Variants in ZNF670 observed in about 807,000 individuals in gnomAD.
The protein encoded by ZNF670 is zinc finger protein 670.
A neutral mutation model predicts 10.9 loss-of-function variants in ZNF670; 7 were observed. The ratio of observed to expected loss-of-function variants is 0.64; its 90% CI spans 0.36 to 1.20. The LOEUF (loss-of-function observed/expected upper bound fraction) is 1.20, where lower values mean the gene tolerates loss of function less well. Among genes scored for constraint, ZNF670 ranks in the 50% most tolerant of loss-of-function variants. The pLI, the probability that ZNF670 is intolerant of heterozygous loss-of-function variation, is 0.02. For synonymous variants in ZNF670, 136 were observed against 152.7 expected (o/e 0.89, Z 0.81); for missense variants, 446 against 458.6 (o/e 0.97, Z 0.25).
intron 1 of ZNF670, chr1:247,043,730 CT>C: frequency 2.3e-6 from 1 of 431,736 alleles, no homozygotes; most frequent in Non-Finnish European, 4.5e-6. Context: ...CCGCAGAGCC[CT>C]TTTAGCGTTC....
At chr1:247,042,250 A>G (rs1181823857) in intron 1 of ZNF670, among the ~76,000 whole-genome samples, 1 of 152,258 alleles carries the variant, frequency 6.6e-6, no homozygotes, top group African/African-American at 2.4e-5. Flanking sequence ...CTAGTTGCTC[A>G]GCAAGCAGCT....
rs1221397111 is a variant in ZNF670 at position 247,036,780 on chromosome 1, T to C, written c.*669A>G. 1.3e-5 allele frequency: 2 copies of C among 151,882 alleles called. No homozygotes were observed. The highest frequency in any genetic ancestry group is 1.5e-5 in the Non-Finnish European group (1 of 67,990). The allele number at this position is 151,882 out of a possible 1,614,324, so 9.4% of individuals were successfully genotyped here. ...TACATGAGACTATATAAACTTCACATACATGCAAATTAATAACAATTCTTT... is the reference window on the plus strand; with the variant it reads ...TACATGAGACTATATAAACTTCACACACATGCAAATTAATAACAATTCTTT... On this transcript the variant is annotated 3_prime_UTR_variant, in exon 4 of 4. Coordinates refer to ENST00000366503, the MANE Select transcript of ZNF670 (RefSeq NM_033213.5).
chr1:247,044,735 T>C (rs922083271), intron 1 of ZNF670, among the ~76,000 whole-genome samples: 2 of 152,190 alleles, frequency 1.3e-5, no homozygotes, highest in Non-Finnish European at 2.9e-5. Context: ...TTCTCATTTA[T>C]AAATGGAAGC....
At chr1:247,054,133 C>T (rs540840075) in intron 1 of ZNF670, among the ~76,000 whole-genome samples, 1 of 152,326 alleles carries the variant, frequency 6.6e-6, no homozygotes, top group East Asian at 1.9e-4. Context: ...ACCGTCCTAA[C>T]CAGAGGGGAC....
In ZNF670 at chr1:247,059,727, G is replaced by T. The variant is rs575846063; in HGVS notation, c.3+18867C>A. On this transcript the variant is annotated intron_variant, in intron 1 of 3. Coordinates refer to ENST00000366503, the MANE Select transcript of ZNF670 (RefSeq NM_033213.5). ...AAAACTGCCTTTCTGCAGATTAATA[G>T]TTATTTGTCGATAACATGACTGTCT... Among the ~76,000 whole-genome samples the T allele has an allele frequency of 2.0e-5, 3 of 152,134 alleles. No individual in the cohort carries two copies. In the East Asian group the frequency reaches 5.8e-4, roughly 29 times the overall value.
At chr1:247,052,738 GGT>G (rs1442215382) in intron 1 of ZNF670, among the ~76,000 whole-genome samples, 1 of 152,186 alleles carries the variant, frequency 6.6e-6, no homozygotes, top group Non-Finnish European at 1.5e-5. Context: ...GCAGCCAGGA[GGT>G]GGCACTTTCA....
At chr1:247,072,839 T>TAC (rs1491560605) in intron 1 of ZNF670, among the ~76,000 whole-genome samples, 13 of 68,546 alleles carry the variant, frequency 1.9e-4, no homozygotes, top group African/African-American at 9.7e-4. Flanking sequence ...TATATATATA[T>TAC]GCATACACAC....
At position 247,035,626 on chromosome 1, in the gene ZNF670, C is replaced by T. The variant is rs1670131592; in HGVS notation, c.*1823G>A. On this transcript the variant is annotated 3_prime_UTR_variant, in exon 4 of 4. Transcript: ENST00000366503. The stretch of plus-strand genomic sequence containing the variant: ...GTTATGCATAATTCATAGTAACTTA[C>T]AAAACTGTACTATACCACATATTAT... 6.6e-6 allele frequency among the ~76,000 whole-genome samples: 1 copy of T among 152,066 alleles called. No homozygotes were observed. The highest frequency in any genetic ancestry group is 1.5e-5 in the Non-Finnish European group (1 of 68,026).
At chr1:247,039,587 C>G (rs201019686) in intron 1 of ZNF670, 50 bp from the exon 2 acceptor site, 2 of 1,488,974 alleles carry the variant, frequency 1.3e-6, no homozygotes, top group South Asian at 1.4e-5. Flanking sequence ...ACAGACAGTA[C>G]TAAGAATCTA....
chr1:247,065,644 T>C (rs775231600), intron 1 of ZNF670, among the ~76,000 whole-genome samples: 1 of 151,998 alleles, frequency 6.6e-6, no homozygotes, highest in East Asian at 1.9e-4. Context: ...AACAAACAAA[T>C]AAATGAGAAC....
At chr1:247,068,562 G>T (rs187091933) in intron 1 of ZNF670, among the ~76,000 whole-genome samples, 2 of 150,652 alleles carry the variant, frequency 1.3e-5, no homozygotes, top group Non-Finnish European at 2.9e-5. Flanking sequence ...CTGTTGGTGG[G>T]AATGTAAATT....
intron 1 of ZNF670, among the ~76,000 whole-genome samples, chr1:247,055,035 A>G (rs936557277): frequency 1.3e-5 from 2 of 152,210 alleles, no homozygotes; most frequent in African/African-American, 4.8e-5. Flanking sequence ...AGGCACAGAT[A>G]AGGAAACTTG....
chr1:247,045,948 A>G (rs1304378863), intron 1 of ZNF670, among the ~76,000 whole-genome samples: 1 of 152,220 alleles, frequency 6.6e-6, no homozygotes, highest in Non-Finnish European at 1.5e-5. Flanking sequence ...ACACCCTGGC[A>G]AAGACTTGGC....
intron 1 of ZNF670, among the ~76,000 whole-genome samples, chr1:247,067,435 CAA>C (rs61363241): frequency 9.1e-5 from 7 of 77,212 alleles, no homozygotes; most frequent in Admixed American, 1.7e-4. Flanking sequence ...GATCCCGTCT[CAA>C]AAAAAAAAAA....
chr1:247,069,704 A>T (rs1206098694), intron 1 of ZNF670, among the ~76,000 whole-genome samples: 1 of 152,216 alleles, frequency 6.6e-6, no homozygotes, highest in African/African-American at 2.4e-5. Flanking sequence ...ACATGGGTGG[A>T]ACTAGAAGTC....
chr1:247,038,741 T>TGTTTTAAAACATAA, intron 3 of ZNF670, 69 bp downstream of exon 3: 1 of 1,385,052 alleles, frequency 7.2e-7, no homozygotes, highest in Non-Finnish European at 1.0e-6. Context: ...TTGTTTTGTC[T>TGTTTTAAAACATAA]GTTTTAAAAA....
At position 247,036,281 on chromosome 1, in the gene ZNF670, T is replaced by C. The variant is rs539085620; in HGVS notation, c.*1168A>G. ...TATTTATGAAAAATCCACAATATAC[T>C]TGATGGTGAGACTGAATGCTTTCAC... On this transcript the variant is annotated 3_prime_UTR_variant, in exon 4 of 4. Transcript: ENST00000366503. 2.8e-4 allele frequency among the ~76,000 whole-genome samples: 42 copies of C among 152,280 alleles called. No homozygotes were observed. The highest frequency in any genetic ancestry group is 2.7e-3 in the Admixed American group (42 of 15,298).
intron 1 of ZNF670, among the ~76,000 whole-genome samples, chr1:247,072,798 GTGTGTGTATATATATATATATATA>G (rs1376762596): frequency 0.044 from 847 of 19,056 alleles, 57 homozygotes; most frequent in Middle Eastern, 0.15. Context: ...AAAAAAAAAA[GTGTGTGTATATATATATATATATA>G]TATATATATA....
intron 1 of ZNF670, 82 bp downstream of exon 1, chr1:247,078,512 C>G: frequency 1.3e-6 from 2 of 1,579,144 alleles, no homozygotes; most frequent in South Asian, 1.1e-5. Context: ...GGGTCGGCAC[C>G]GCGGGGAGGT....
Sources: allele counts gnomAD v4.1 joint callset (sites outside exome capture counted in the v4.1 genomes callset), GRCh38; gene constraint gnomAD v4.1.1; transcripts MANE v1.5; gene names NCBI Gene and HGNC (gene_info 2026-07-23, HGNC 2026-07-21).